The following ALG9 variants were observed in gnomAD, a reference collection of about 807,000 sequenced individuals.
ALG9 encodes the protein ALG9 alpha-1,2-mannosyltransferase, also known as alpha-1,2-mannosyltransferase ALG9.
In ALG9, 55 loss-of-function variants were observed where a neutral mutation model predicts 81.8. The observed-to-expected ratio is 0.67, with a 90% CI of 0.54 to 0.84. ALG9 has a LOEUF of 0.84. ALG9 is among the 40% of genes least tolerant of loss of function. The pLI, the probability that ALG9 is intolerant of heterozygous loss-of-function variation, is 0.00. For missense variants in ALG9, 629 were observed against 745.0 expected (o/e 0.84, Z 1.81); for synonymous variants, 278 against 274.3 (o/e 1.01, Z -0.13).
In ALG9 at chr11:111,865,173, A is replaced by G; in HGVS notation, c.476+8T>C. The G allele has an allele frequency of 6.5e-7, 1 of 1,539,188 alleles. No individual in the cohort carries two copies. Among genetic ancestry groups the G allele is most frequent in the South Asian group, 1.2e-5 (1 of 80,740 alleles). ...CAGCACTTTTAGAAGCAAAGTTTTTATACTCACTTGTAAAAGTAAAGTTCA... is the reference window on the plus strand; with the variant it reads ...CAGCACTTTTAGAAGCAAAGTTTTTGTACTCACTTGTAAAAGTAAAGTTCA... On this transcript the variant is annotated splice_region_variant and intron_variant, in intron 4 of 14. Coordinates refer to ENST00000616540, the MANE Select transcript of ALG9 (RefSeq NM_024740.2).
intron 8 of ALG9, chr11:111,845,034 C>A: frequency 3.4e-6 from 1 of 295,622 alleles, no homozygotes; most frequent in Non-Finnish European, 6.6e-6. Context: ...TTGAGAAGCA[C>A]CAAATAATTT....
chr11:111,829,308 T>C (rs1555111588), intron 13 of ALG9: 1 of 152,204 alleles, frequency 6.6e-6, no homozygotes, highest in Admixed American at 6.5e-5. Flanking sequence ...TTCATTTCAT[T>C]AGTCACAGGC....
chr11:111,838,097 A>C, intron 11 of ALG9, 152 bp downstream of exon 11: 1 of 774,876 alleles, frequency 1.3e-6, no homozygotes, highest in South Asian at 1.8e-5. Flanking sequence ...TACAGAAGTC[A>C]TATGCCACTC....
chr11:111,862,537 G>C (rs1189608106), intron 4 of ALG9, among the ~76,000 whole-genome samples: 1 of 151,296 alleles, frequency 6.6e-6, no homozygotes, highest in African/African-American at 2.4e-5. Flanking sequence ...CCCAGCCGTG[G>C]CTTACACATT....
chr11:111,857,498 A>G, intron 6 of ALG9, 104 bp downstream of exon 6: 1 of 1,484,652 alleles, frequency 6.7e-7, no homozygotes. Context: ...TTGAAAGCCC[A>G]ATTGATTAAC....
At chr11:111,808,319 C>T (rs2136401312) in intron 14 of ALG9, among the ~76,000 whole-genome samples, 1 of 152,264 alleles carries the variant, frequency 6.6e-6, no homozygotes, top group Admixed American at 6.5e-5. Flanking sequence ...ACTGGAGAGA[C>T]TCAGTCTAAA....
intron 14 of ALG9, among the ~76,000 whole-genome samples, chr11:111,797,588 C>T (rs1028064311): frequency 1.3e-5 from 2 of 152,244 alleles, no homozygotes; most frequent in Admixed American, 6.5e-5. Context: ...ACAGCAATAG[C>T]TGGAACAAAT....
intron 13 of ALG9, 60 bp downstream of exon 13, chr11:111,836,105 C>T: frequency 1.4e-5 from 23 of 1,608,976 alleles, no homozygotes; most frequent in Non-Finnish European, 2.0e-5. Flanking sequence ...ATATACACAC[C>T]AACAGACTTT....
At chr11:111,773,119 C>T in the ALG9 span, among the ~76,000 whole-genome samples, 2 of 152,048 alleles carry the variant, frequency 1.3e-5, no homozygotes, top group Non-Finnish European at 2.9e-5. Flanking sequence ...TTACAAAGGG[C>T]TCACTGAATC....
chr11:111,857,937 C>A, intron 5 of ALG9, 200 bp from the exon 6 acceptor site: 1 of 594,980 alleles, frequency 1.7e-6, no homozygotes, highest in Non-Finnish European at 2.8e-6. Flanking sequence ...TCTTATTTTT[C>A]TCACTCCTGG....
At chr11:111,865,420 C>T (rs1555151995) in intron 3 of ALG9, among the ~76,000 whole-genome samples, 169 bp from the exon 4 acceptor site, 2 of 152,170 alleles carry the variant, frequency 1.3e-5, no homozygotes, top group African/African-American at 4.8e-5. Flanking sequence ...TATCAGTATA[C>T]CTACTTCTAT....
intron 13 of ALG9, among the ~76,000 whole-genome samples, chr11:111,818,378 A>G (rs1951832567): frequency 6.6e-6 from 1 of 152,246 alleles, no homozygotes; most frequent in Non-Finnish European, 1.5e-5. Flanking sequence ...TGTAGCCATA[A>G]TAATCTTGTG....
chr11:111,822,938 C>A (rs1392793224), intron 13 of ALG9, among the ~76,000 whole-genome samples: 2 of 151,994 alleles, frequency 1.3e-5, no homozygotes, highest in Non-Finnish European at 2.9e-5. Flanking sequence ...GCGGGAGAAT[C>A]GCTTGAACCC....
chr11:111,869,842 C>T (rs1487977751), intron 2 of ALG9, among the ~76,000 whole-genome samples: 1 of 152,040 alleles, frequency 6.6e-6, no homozygotes, highest in Non-Finnish European at 1.5e-5. Context: ...GACAGAGTCT[C>T]GCTCTGTTGC....
At chr11:111,791,619 G>A (rs2136226797) in intron 14 of ALG9, among the ~76,000 whole-genome samples, 1 of 152,252 alleles carries the variant, frequency 6.6e-6, no homozygotes, top group South Asian at 2.1e-4. Context: ...CTCACCTTGT[G>A]CAATCTTCCT....
chr11:111,851,731 T>C (rs1555138729), intron 8 of ALG9, among the ~76,000 whole-genome samples: 1 of 152,174 alleles, frequency 6.6e-6, no homozygotes, highest in Non-Finnish European at 1.5e-5. Flanking sequence ...AGATCTAAGA[T>C]CTTTTATTGC....
the ALG9 span, chr11:111,768,960 T>G: frequency 6.6e-6 from 1 of 151,754 alleles, no homozygotes; most frequent in Non-Finnish European, 1.5e-5. Flanking sequence ...GCTAAGAGGT[T>G]TTTTTAACTT....
intron 14 of ALG9, among the ~76,000 whole-genome samples, chr11:111,800,355 C>T (rs1948921691): frequency 6.6e-6 from 1 of 151,994 alleles, no homozygotes. Context: ...GTGGCACGCG[C>T]CTGTAGTCCC....
downstream of ALG9, among the ~76,000 whole-genome samples, chr11:111,781,233 A>C (rs543499224): frequency 6.6e-6 from 1 of 152,322 alleles, no homozygotes; most frequent in East Asian, 1.9e-4. Context: ...CAACGGCACA[A>C]CACCAGATGG....
Sources: gnomAD v4.1 joint callset for allele counts (sites outside exome capture counted in the v4.1 genomes callset) on GRCh38, gnomAD v4.1.1 for gene constraint, MANE v1.5 for transcripts, NCBI Gene and HGNC (gene_info 2026-07-23, HGNC 2026-07-21) for gene names.